Variants in USP6NL observed in about 807,000 individuals in gnomAD.
USP6NL encodes USP6 N-terminal-like protein.
In USP6NL, 26 loss-of-function variants were observed where a neutral mutation model predicts 61.9. The ratio of observed to expected loss-of-function variants is 0.42; its 90% CI spans 0.31 to 0.58. The LOEUF (loss-of-function observed/expected upper bound fraction) is 0.58, where lower values mean the gene tolerates loss of function less well. Ranked by LOEUF, USP6NL falls within the 20% of genes least tolerant of loss-of-function variation. The pLI, the probability that USP6NL is intolerant of heterozygous loss-of-function variation, is 0.16. For missense variants in USP6NL, 1,114 were observed against 1,034.3 expected, an observed-to-expected ratio of 1.08 and a Z score of -1.06; for synonymous variants, 432 against 390.1, an observed-to-expected ratio of 1.11 and a Z score of -1.27.
At chr10:11,560,616 C>T (rs1411404118) in intron 2 of USP6NL, among the ~76,000 whole-genome samples, 4 of 149,780 alleles carry the variant, frequency 2.7e-5, no homozygotes, top group African/African-American at 9.8e-5. Flanking sequence ...CTAGGTTTGG[C>T]AATACTTCAC....
chr10:11,493,309 TAAA>T, intron 7 of USP6NL, 81 bp from the exon 8 acceptor site: 2 of 1,263,270 alleles, frequency 1.6e-6, no homozygotes, highest in Non-Finnish European at 1.1e-6. Flanking sequence ...TAATTCTCAT[TAAA>T]AAGTTTTTGG....
At chr10:11,580,284 A>C (rs911280518) in intron 2 of USP6NL, among the ~76,000 whole-genome samples, 3 of 152,172 alleles carry the variant, frequency 2.0e-5, no homozygotes, top group African/African-American at 7.2e-5. Context: ...AAAATTTCCT[A>C]ATTAGATAAA....
At chr10:11,469,613 G>T (rs1566113998) in intron 14 of USP6NL, among the ~76,000 whole-genome samples, 1 of 152,172 alleles carries the variant, frequency 6.6e-6, no homozygotes, top group Non-Finnish European at 1.5e-5. Flanking sequence ...TTTCAATAAG[G>T]ATGCAAAAGG....
Position 11,518,311 on chromosome 10 carries a change from T to C in USP6NL, c.195+224A>G, listed in dbSNP as rs1302974858. ...GCACGCCTAGCTCAGGACCTGCCAG[T>C]CTAGAATGAAGTCTGCCAACTACCT... On this transcript the variant is annotated intron_variant, in intron 5 of 14. Transcript: ENST00000609104. The surrounding 1 kb of genome is among the most constrained non-coding windows in gnomAD (Gnocchi z 5.3). Among the ~76,000 whole-genome samples the C allele has an allele frequency of 6.6e-6, 1 of 152,184 alleles. No homozygotes were observed. The highest frequency in any genetic ancestry group is 1.5e-5 in the Non-Finnish European group (1 of 68,030).
intron 2 of USP6NL, among the ~76,000 whole-genome samples, chr10:11,555,451 T>TATAGAGAGAGAG (rs1427219382): frequency 8.2e-5 from 5 of 61,002 alleles, no homozygotes; most frequent in East Asian, 1.9e-3. Context: ...TATATATATA[T>TATAGAGAGAGAG]AGAGAGAGAG....
intron 2 of USP6NL, among the ~76,000 whole-genome samples, chr10:11,558,326 G>A (rs964904359): frequency 1.3e-5 from 2 of 152,126 alleles, no homozygotes; most frequent in African/African-American, 2.4e-5. Context: ...GCAATATTCC[G>A]AAGTTCTGGC....
rs1286697612 is a variant in USP6NL at position 11,602,831 on chromosome 10, C to A, written c.-83-5114G>T. ...CCAAGCATTTCAGGTAAGAGATACT[C>A]AACCTGTCATATCTTCTCATTAGAA... On this transcript the variant is annotated intron_variant, in intron 1 of 14. Coordinates refer to ENST00000609104, the MANE Select transcript of USP6NL (RefSeq NM_014688.5). This position sits in a 1 kb window ranked among gnomAD's most constrained non-coding sequence, Gnocchi z 4.8. Among the ~76,000 whole-genome samples, 1 of 152,192 alleles carries A rather than the reference C, an allele frequency of 6.6e-6. No homozygotes were observed. The highest frequency in any genetic ancestry group is 1.5e-5 in the Non-Finnish European group (1 of 68,040).
intron 3 of USP6NL, 41 bp downstream of exon 3, chr10:11,527,459 T>G (rs1835464592): frequency 6.5e-7 from 1 of 1,537,470 alleles, no homozygotes; most frequent in Non-Finnish European, 8.8e-7. Flanking sequence ...ATATGGTTTT[T>G]CTAATAAAAC....
At chr10:11,521,775 A>G (rs1835218435) in intron 4 of USP6NL, among the ~76,000 whole-genome samples, 1 of 152,222 alleles carries the variant, frequency 6.6e-6, no homozygotes, top group African/African-American at 2.4e-5. Context: ...CTGCTTTTAT[A>G]AATATACACA....
rs1182515675 is a variant in USP6NL at position 11,561,457 on chromosome 10, A to AAGGCAC, written c.5-33896_5-33891dup. Reference sequence around the variant, plus strand: ...CATATACGAACACACGCATATGTATAAGGCACACAACAGAACCATACTAAG... The same window carrying AAGGCAC: ...CATATACGAACACACGCATATGTATAAGGCACAGGCACACAACAGAACCATACTAAG... On this transcript the variant is annotated intron_variant, in intron 2 of 14. Transcript: ENST00000609104. This position sits in a 1 kb window ranked among gnomAD's most constrained non-coding sequence, Gnocchi z 4.1. 6.6e-6 allele frequency among the ~76,000 whole-genome samples: 1 copy of AAGGCAC among 152,254 alleles called. No homozygotes were observed. The highest frequency in any genetic ancestry group is 2.4e-5 in the African/African-American group (1 of 41,466).
Position 11,589,917 on chromosome 10 carries a change from T to C in USP6NL, c.4+7714A>G, listed in dbSNP as rs115526530. Among the ~76,000 whole-genome samples the C allele has an allele frequency of 3.4e-3, 513 of 152,292 alleles. 1 individual carries two copies. The highest frequency in any genetic ancestry group is 0.012 in the African/African-American group (499 of 41,556). The stretch of plus-strand genomic sequence containing the variant: ...GGCAATGCCAGGGGAAGTCAGTTTC[T>C]AAATTCAGAGGGAAAAGACAGCACT... On this transcript the variant is annotated intron_variant, in intron 2 of 14. Coordinates refer to ENST00000609104, the MANE Select transcript of USP6NL (RefSeq NM_014688.5). This position sits in a 1 kb window ranked among gnomAD's most constrained non-coding sequence, Gnocchi z 4.7.
In USP6NL at chr10:11,602,459, G is replaced by A. The variant is rs925109436; in HGVS notation, c.-83-4742C>T. Among the ~76,000 whole-genome samples the A allele has an allele frequency of 1.3e-5, 2 of 151,860 alleles. No individual in the cohort carries two copies. The highest frequency in any genetic ancestry group is 6.6e-5 in the Admixed American group (1 of 15,254). On this transcript the variant is annotated intron_variant, in intron 1 of 14. Transcript: ENST00000609104. The surrounding 1 kb of genome is among the most constrained non-coding windows in gnomAD (Gnocchi z 4.8). ...ACTATTCATTCATTCAGTATTTACC[G>A]AGTAGCTATTATGAGCCAGGCAGTG... is the stretch of plus-strand genomic sequence containing the variant.
rs570553506 is a variant in USP6NL at position 11,521,287 on chromosome 10, T to C, written c.156-2713A>G. Among the ~76,000 whole-genome samples the C allele has an allele frequency of 3.3e-4, 49 of 148,244 alleles. No homozygotes were observed. The South Asian group carries it at 0.01, about 31-fold the overall frequency. On this transcript the variant is annotated intron_variant, in intron 4 of 14. Coordinates refer to ENST00000609104, the MANE Select transcript of USP6NL (RefSeq NM_014688.5). The stretch of plus-strand genomic sequence containing the variant: ...ATTGGTAGAAAGAGTTCTCAAGCCT[T>C]TGTAATCAAAATTATATATATAATA...
intron 2 of USP6NL, among the ~76,000 whole-genome samples, chr10:11,578,754 T>C (rs981443899): frequency 6.6e-6 from 1 of 152,236 alleles, no homozygotes; most frequent in Non-Finnish European, 1.5e-5. Context: ...ATACAATATA[T>C]GAAAATATCA....
chr10:11,591,909 G>A lies in USP6NL; in HGVS notation c.4+5722C>T, dbSNP rs192064167. On this transcript the variant is annotated intron_variant, in intron 2 of 14. Coordinates refer to ENST00000609104, the MANE Select transcript of USP6NL (RefSeq NM_014688.5). The surrounding 1 kb of genome is among the most constrained non-coding windows in gnomAD (Gnocchi z 4.7). ...ATTTTTGAGACAGTCTCACTCTGTCGCCTGGGCTGGAGTGCAGTGGCTCAA... is the reference window on the plus strand; with the variant it reads ...ATTTTTGAGACAGTCTCACTCTGTCACCTGGGCTGGAGTGCAGTGGCTCAA... Among the ~76,000 whole-genome samples, 48 of 152,166 alleles carry A rather than the reference G, an allele frequency of 3.2e-4. No homozygotes were observed. The South Asian group carries it at 3.9e-3, about 12-fold the overall frequency.
intron 2 of USP6NL, among the ~76,000 whole-genome samples, chr10:11,594,399 T>C (rs1038424885): frequency 6.6e-6 from 1 of 152,228 alleles, no homozygotes; most frequent in African/African-American, 2.4e-5. Context: ...TCTAACAAAA[T>C]ATCTGTTTGT....
rs1298828773 is a variant in USP6NL, at chr10:11,463,174, C to A, written c.1754G>T (p.Ser585Ile). The stretch of plus-strand genomic sequence containing the variant: ...ACTTGGCTCAGCGTGCTTTCTCGGG[C>A]TAGGAGGGTAAAGGGCATGCCGGGG... ...QSPRHALYPP[S>I]PRKHAEPSSS... Residue 585 changes from serine (S) to isoleucine (I), a missense_variant, in exon 15 of 15, where the codon AGC becomes ATC. Physicochemically the swap from Ser to Ile is moderately radical, Grantham distance 142 (BLOSUM62 -2). Transcript: ENST00000609104. The surrounding 1 kb of genome is among the most constrained non-coding windows in gnomAD (Gnocchi z 6.3). The A allele has an allele frequency of 6.2e-7, 1 of 1,613,840 alleles. No individual in the cohort carries two copies. The highest frequency in any genetic ancestry group is 1.7e-5 in the Admixed American group (1 of 60,022).
intron 1 of USP6NL, among the ~76,000 whole-genome samples, chr10:11,607,622 G>C (rs1460115972): frequency 6.6e-6 from 1 of 152,172 alleles, no homozygotes; most frequent in African/African-American, 2.4e-5. Context: ...GAAGGCAAAG[G>C]CTGCAGTGAG....
intron 7 of USP6NL, among the ~76,000 whole-genome samples, chr10:11,500,671 G>A (rs1834145527): frequency 6.6e-6 from 1 of 151,742 alleles, no homozygotes; most frequent in Non-Finnish European, 1.5e-5. Flanking sequence ...TAGAAGAAAA[G>A]AATCATACAC....
Sources: allele counts gnomAD v4.1 joint callset (sites outside exome capture counted in the v4.1 genomes callset), GRCh38; gene constraint gnomAD v4.1.1; non-coding constraint Gnocchi (gnomAD v3.1); transcripts MANE v1.5; gene names NCBI Gene and HGNC (gene_info 2026-07-23, HGNC 2026-07-21).